ZFAT: variants seen among roughly 807,000 people sequenced by gnomAD.
ZFAT encodes zinc finger and AT-hook domain containing.
Under a neutral mutation model 117.7 loss-of-function variants are expected in ZFAT, and 64 were observed. That is an observed-to-expected ratio of 0.54 (90% CI 0.44 to 0.67). The LOEUF is 0.67. Ranked by LOEUF, ZFAT falls within the 30% of genes least tolerant of loss-of-function variation. The probability of loss-of-function intolerance (pLI) is 0.00; values close to 1 mark genes in which losing one functional copy is unlikely to be tolerated. For missense variants in ZFAT, 1,433 were observed against 1,584.5 expected (o/e 0.90, Z 1.62); for synonymous variants, 679 against 615.0 (o/e 1.10, Z -1.54).
chr8:134,744,727 CTTT>C, the ZFAT span, among the ~76,000 whole-genome samples: 3 of 103,514 alleles, frequency 2.9e-5, no homozygotes, highest in East Asian at 2.9e-4. Flanking sequence ...GCCTACTCTC[CTTT>C]TTTTTTTTTT....
chr8:134,723,038 C>A, the ZFAT span: 4 of 152,248 alleles, frequency 2.6e-5, no homozygotes, highest in Non-Finnish European at 5.9e-5. Flanking sequence ...CCTGCTGACA[C>A]CTTGATCTTG....
the ZFAT span, among the ~76,000 whole-genome samples, chr8:134,790,804 C>T: frequency 1.3e-5 from 2 of 152,032 alleles, no homozygotes; most frequent in African/African-American, 4.8e-5. Context: ...CACTTGAGCC[C>T]AGGAGTTCGA....
intron 11 of ZFAT, among the ~76,000 whole-genome samples, chr8:134,560,111 G>T (rs1023147740): frequency 2.6e-5 from 4 of 152,154 alleles, no homozygotes; most frequent in Admixed American, 2.6e-4. Flanking sequence ...ACTATCTGGG[G>T]AGGGAGGCAG....
At chr8:134,725,686 G>A in the ZFAT span, among the ~76,000 whole-genome samples, 1 of 151,962 alleles carries the variant, frequency 6.6e-6, no homozygotes, top group Middle Eastern at 3.2e-3. Context: ...ACTGTATCAA[G>A]TGGGCCTCCC....
In ZFAT at chr8:134,602,458, G is replaced by A. The variant is rs754357089; in HGVS notation, c.1261C>T (p.Arg421Cys). 4 of 1,613,892 alleles carry A rather than the reference G, an allele frequency of 2.5e-6. No homozygotes were observed. Among genetic ancestry groups the A allele is most frequent in the Non-Finnish European group, 3.4e-6 (4 of 1,179,990 alleles). Reference protein sequence around the residue: ...RKFKNELDRDRHMLVHGDKWP... With the variant: ...RKFKNELDRDCHMLVHGDKWP... ...TTGTCTCCGTGGACCAGCATATGGC[G>A]GTCACGGTCCAGCTCGTTCTTGAAC... The change falls in exon 6 of 16, where the codon CGC becomes TGC. Residue 421 changes from arginine (R) to cysteine (C), a missense_variant. Arg to Cys is a radical substitution (Grantham distance 180, BLOSUM62 -3). Around this residue, in one of 5 missense-constraint regions of ZFAT, gnomAD observed 73 missense variants for 122.0 expected, o/e 0.60. Transcript: ENST00000377838.
At chr8:134,652,974 C>A (rs1831337312) in intron 2 of ZFAT, among the ~76,000 whole-genome samples, 1 of 151,892 alleles carries the variant, frequency 6.6e-6, no homozygotes, top group African/African-American at 2.4e-5. Context: ...TTTATTGTAA[C>A]ATTATTTATA....
intron 1 of ZFAT, among the ~76,000 whole-genome samples, chr8:134,703,625 T>G (rs1053207156): frequency 1.3e-5 from 2 of 152,220 alleles, no homozygotes; most frequent in African/African-American, 4.8e-5. Flanking sequence ...AGCTTCTGTA[T>G]CCTCACTTGG....
chr8:134,657,014 T>C (rs1282780239), intron 2 of ZFAT, among the ~76,000 whole-genome samples: 1 of 152,256 alleles, frequency 6.6e-6, no homozygotes, highest in Admixed American at 6.5e-5. Context: ...TGTGAATCCT[T>C]GTTCCAGGTT....
chr8:134,551,557 A>G (rs1443212766), intron 11 of ZFAT, among the ~76,000 whole-genome samples: 1 of 152,246 alleles, frequency 6.6e-6, no homozygotes, highest in Non-Finnish European at 1.5e-5. Context: ...GCCATAAGCA[A>G]TGCCAGATGA....
the ZFAT span, among the ~76,000 whole-genome samples, chr8:134,771,486 A>T: frequency 6.6e-6 from 1 of 152,216 alleles, no homozygotes; most frequent in Non-Finnish European, 1.5e-5. Flanking sequence ...TTGCTAAAAC[A>T]TAACAAGAGT....
rs1215938156 is a variant in ZFAT, at chr8:134,712,933, G to A, written c.-70C>T. The A allele has an allele frequency of 2.4e-5, 35 of 1,446,010 alleles. No homozygotes were observed. Among genetic ancestry groups the A allele is most frequent in the Non-Finnish European group, 3.0e-5 (33 of 1,099,554 alleles). The allele number at this position is 1,446,010 out of a possible 1,614,324, so 89.6% of individuals were successfully genotyped here. Reference sequence around the variant, plus strand: ...GGGCCCCCTCCCGTGCCGACCGAGGGGGCGGGGCGCCCTGCTGACGCTTCG... The same window carrying A: ...GGGCCCCCTCCCGTGCCGACCGAGGAGGCGGGGCGCCCTGCTGACGCTTCG... On this transcript the variant is annotated 5_prime_UTR_variant, in exon 1 of 16. Transcript: ENST00000377838.
At chr8:134,756,466 C>G in the ZFAT span, among the ~76,000 whole-genome samples, 3 of 152,254 alleles carry the variant, frequency 2.0e-5, no homozygotes, top group East Asian at 5.8e-4. Flanking sequence ...CAGGGCCAAA[C>G]TCACTGCCCT....
the ZFAT span, among the ~76,000 whole-genome samples, chr8:134,736,205 G>A: frequency 6.6e-6 from 1 of 152,176 alleles, no homozygotes; most frequent in East Asian, 1.9e-4. Context: ...GAATGAAGAA[G>A]GGATGGGATA....
At chr8:134,523,422 C>T (rs1586639079) in intron 12 of ZFAT, among the ~76,000 whole-genome samples, 1 of 152,242 alleles carries the variant, frequency 6.6e-6, no homozygotes, top group Admixed American at 6.5e-5. Flanking sequence ...GACTGTGCAT[C>T]CCAGTGTCTC....
chr8:134,793,737 G>A, the ZFAT span: 3 of 151,110 alleles, frequency 2.0e-5, no homozygotes, highest in Admixed American at 6.6e-5. Flanking sequence ...GAGTCCGGGG[G>A]CTGGAGACTC....
Position 134,602,629 on chromosome 8 carries a change from A to C in ZFAT, c.1090T>G (p.Ser364Ala). The C allele has an allele frequency of 6.2e-7, 1 of 1,614,160 alleles. No individual in the cohort carries two copies. Among genetic ancestry groups the C allele is most frequent in the Non-Finnish European group, 8.5e-7 (1 of 1,180,028 alleles). Residue 364 changes from serine (S) to alanine (A), a missense_variant, in exon 6 of 16, where the codon TCT (serine) becomes GCT (alanine). Around this residue, in one of 5 missense-constraint regions of ZFAT, gnomAD observed 436 missense variants for 482.0 expected, o/e 0.90. Coordinates refer to ENST00000377838, the MANE Select transcript of ZFAT (RefSeq NM_020863.4). ...TGCTTGATGAGGTTCTTGACGTCAG[A>C]GTACTTCTTCTTGCAGAAGCGGCAG... ...QHCRFCKKKY[S>A]DVKNLIKHIR... is the part of the protein sequence containing the mutation.
intron 1 of ZFAT, among the ~76,000 whole-genome samples, chr8:134,661,361 C>T (rs1479531888): frequency 6.6e-6 from 1 of 152,222 alleles, no homozygotes; most frequent in Non-Finnish European, 1.5e-5. Flanking sequence ...AGAGAGCCAG[C>T]AGTCCACCAG....
chr8:134,732,730 C>T, the ZFAT span, among the ~76,000 whole-genome samples: 10 of 152,166 alleles, frequency 6.6e-5, no homozygotes, highest in Admixed American at 6.5e-5. Context: ...ACATACTTTA[C>T]GTTTCCAGCA....
At chr8:134,713,683 G>A (rs1374516782), upstream of ZFAT, among the ~76,000 whole-genome samples, 1 of 152,136 alleles carries the variant, frequency 6.6e-6, no homozygotes, top group African/African-American at 2.4e-5. Context: ...GCCTTCGGCA[G>A]GCAGCTGAGT....
Sources: gnomAD v4.1 joint callset for allele counts (sites outside exome capture counted in the v4.1 genomes callset) on GRCh38, gnomAD v4.1.1 for gene constraint, gnomAD v4.1.1 regional missense constraint, MANE v1.5 for transcripts, NCBI Gene and HGNC (gene_info 2026-07-23, HGNC 2026-07-21) for gene names.